The following CDCA2 variants were observed in gnomAD, a reference collection of about 807,000 sequenced individuals.
CDCA2 encodes cell division cycle-associated protein 2.
Under a neutral mutation model 67.0 loss-of-function variants are expected in CDCA2, and 44 were observed. That is an observed-to-expected ratio of 0.66 (90% CI 0.52 to 0.84). CDCA2 has a LOEUF of 0.84. Among genes scored for constraint, CDCA2 ranks in the 40% least tolerant of loss-of-function variants. The probability of loss-of-function intolerance (pLI) is 0.00; values close to 1 mark genes in which losing one functional copy is unlikely to be tolerated. For missense variants in CDCA2, 1,253 were observed against 1,203.2 expected, an observed-to-expected ratio of 1.04 and a Z score of -0.61; for synonymous variants, 447 against 418.7, an observed-to-expected ratio of 1.07 and a Z score of -0.82.
intron 4 of CDCA2, 100 bp downstream of exon 4, chr8:25,462,308 G>A: frequency 1.5e-6 from 2 of 1,318,958 alleles, no homozygotes; most frequent in Non-Finnish European, 2.1e-6. Context: ...AATCTGGAGG[G>A]AGATTTTCTC....
rs142696268 is a variant in CDCA2, at chr8:25,488,623, G to T, written c.1605G>T (p.Lys535Asn). The T allele has an allele frequency of 1.2e-6, 2 of 1,612,994 alleles. No homozygotes were observed. The highest frequency in any genetic ancestry group is 4.5e-5 in the East Asian group (2 of 44,768). ...LNTEVQPCKE[K>N]KINRRKSQET... ...CAGAAGTTCAGCCTTGTAAAGAAAA[G>T]AAAATTAATAGGAGGAAGTCTCAAG... Residue 535 changes from lysine (K) to asparagine (N), a missense_variant, in exon 13 of 15, where the codon AAG becomes AAT. Lys to Asn is a moderately conservative substitution (Grantham distance 94). Coordinates refer to ENST00000330560, the MANE Select transcript of CDCA2 (RefSeq NM_152562.4).
intron 5 of CDCA2, among the ~76,000 whole-genome samples, chr8:25,467,536 T>A (rs1404927952): frequency 6.6e-6 from 1 of 152,216 alleles, no homozygotes; most frequent in Non-Finnish European, 1.5e-5. Context: ...GTTGTCTTTT[T>A]CATAAAGTCA....
chr8:25,505,814 T>A (rs1055507452), intron 14 of CDCA2, among the ~76,000 whole-genome samples: 1 of 152,204 alleles, frequency 6.6e-6, no homozygotes, highest in East Asian at 1.9e-4. Context: ...CCTGAACTCA[T>A]GTGGGCTGTG....
At chr8:25,505,883 C>G (rs183853106) in intron 14 of CDCA2, among the ~76,000 whole-genome samples, 133 of 152,230 alleles carry the variant, frequency 8.7e-4, no homozygotes, top group Non-Finnish European at 1.5e-3. Flanking sequence ...TACATGAAAG[C>G]CTACCCACAC....
chr8:25,489,793 T>C (rs182649050), intron 13 of CDCA2, among the ~76,000 whole-genome samples: 31 of 152,396 alleles, frequency 2.0e-4, no homozygotes, highest in African/African-American at 7.2e-4. Context: ...CCTTGTAAAT[T>C]GTTTATCTTC....
chr8:25,497,512 A>AAAAAAAAAAAT (rs1804278736), intron 13 of CDCA2, among the ~76,000 whole-genome samples: 1 of 144,840 alleles, frequency 6.9e-6, no homozygotes, highest in African/African-American at 2.6e-5. Flanking sequence ...AAAATAAAAA[A>AAAAAAAAAAAT]AAAAAAAACT....
chr8:25,473,529 G>C (rs887174793), intron 7 of CDCA2, among the ~76,000 whole-genome samples: 1 of 152,158 alleles, frequency 6.6e-6, no homozygotes, highest in African/African-American at 2.4e-5. Context: ...CCTTCCAGGA[G>C]AGGGGCTGCA....
chr8:25,472,583 C>A (rs1471470331), intron 7 of CDCA2, among the ~76,000 whole-genome samples: 1 of 152,136 alleles, frequency 6.6e-6, no homozygotes, highest in South Asian at 2.1e-4. Flanking sequence ...ACTTTCACAC[C>A]TTATTTTTCT....
intron 1 of CDCA2, 63 bp from the exon 2 acceptor site, chr8:25,460,174 TACG>T: frequency 6.8e-7 from 1 of 1,471,038 alleles, no homozygotes. Flanking sequence ...CTGAATAAGG[TACG>T]TGATCGAATC....
rs761795108 is a variant in CDCA2 at position 25,485,729 on chromosome 8, T to TA, written c.1366-29dup. 6 of 1,356,842 alleles carry TA rather than the reference T, an allele frequency of 4.4e-6. No individual in the cohort carries two copies. In the South Asian group the frequency reaches 6.4e-5, roughly 14 times the overall value. 84.1% of individuals were successfully genotyped at this position (1,356,842 alleles called of 1,614,324 possible). A position where few individuals can be genotyped will look rare whatever the true frequency, so the allele number is the denominator to read the frequency against. On this transcript the variant is annotated intron_variant, in intron 10 of 14. Transcript: ENST00000330560. ...ATTATGTATTCACTGCATTTAAAGA[T>TA]ATCTAACTTCTGTCTTTTCCTTTGT...
Position 25,465,839 on chromosome 8 carries a change from C to T in CDCA2, c.388-336C>T, listed in dbSNP as rs185278061. Reference sequence around the variant, plus strand: ...GACACAAGCACCATGCAGATGGCTTCCTATGGATACATCCAGCACAACATT... The same window carrying T: ...GACACAAGCACCATGCAGATGGCTTTCTATGGATACATCCAGCACAACATT... On this transcript the variant is annotated intron_variant, in intron 4 of 14. Transcript: ENST00000330560. Among the ~76,000 whole-genome samples the T allele has an allele frequency of 3.8e-3, 578 of 152,236 alleles. 4 individuals carry two copies. Among genetic ancestry groups the T allele is most frequent in the Non-Finnish European group, 6.3e-3 (429 of 68,014 alleles).
Position 25,484,205 on chromosome 8 carries a change from A to G in CDCA2, c.1360A>G (p.Asn454Asp). Residue 454 changes from asparagine to aspartate, a missense_variant, in exon 10 of 15, where the codon AAT becomes GAT. Physicochemically the swap from Asn to Asp is conservative, Grantham distance 23. Transcript: ENST00000330560. ...ACCAGATTTTGATGACAAGGGGGAG[A>G]ATCTTGTAAGTATGAAAAGCGTGGA... ...PQPDFDDKGE[N>D]LENIEPLQVS... 1 of 1,613,808 alleles carries G rather than the reference A, an allele frequency of 6.2e-7. No homozygotes were observed. The highest frequency in any genetic ancestry group is 8.5e-7 in the Non-Finnish European group (1 of 1,179,706).
intron 14 of CDCA2, among the ~76,000 whole-genome samples, chr8:25,504,601 C>T (rs1011979157): frequency 6.6e-6 from 1 of 152,158 alleles, no homozygotes; most frequent in African/African-American, 2.4e-5. Flanking sequence ...CCATTGACTC[C>T]TGGCTTCTGC....
At chr8:25,503,672 T>C (rs1289794845) in intron 14 of CDCA2, 128 bp downstream of exon 14, 1 of 835,936 alleles carries the variant, frequency 1.2e-6, no homozygotes, top group Non-Finnish European at 1.9e-6. Flanking sequence ...AAGCAATGTT[T>C]CCTCACATTA....
At chr8:25,465,487 A>G (rs1288590757) in intron 4 of CDCA2, among the ~76,000 whole-genome samples, 4 of 152,116 alleles carry the variant, frequency 2.6e-5, no homozygotes, top group African/African-American at 7.3e-5. Context: ...TGGCACTTCT[A>G]TCCCTGCTAA....
intron 4 of CDCA2, among the ~76,000 whole-genome samples, chr8:25,463,354 TAATG>T (rs2117476880): frequency 6.6e-6 from 1 of 152,320 alleles, no homozygotes; most frequent in South Asian, 2.1e-4. Context: ...GGTCTCATAA[TAATG>T]GAGCCGAAAA....
intron 3 of CDCA2, among the ~76,000 whole-genome samples, chr8:25,461,843 A>G (rs575295859): frequency 6.6e-6 from 1 of 152,354 alleles, no homozygotes; most frequent in East Asian, 1.9e-4. Context: ...TGTACCAGGC[A>G]CTGTTCTAGG....
intron 7 of CDCA2, among the ~76,000 whole-genome samples, chr8:25,478,114 A>G (rs1461627237): frequency 6.6e-6 from 1 of 151,244 alleles, no homozygotes; most frequent in Non-Finnish European, 1.5e-5. Context: ...TGGTAGGTAC[A>G]GGATCCTACT....
chr8:25,491,430 G>T (rs1251126434), intron 13 of CDCA2, among the ~76,000 whole-genome samples: 1 of 152,106 alleles, frequency 6.6e-6, no homozygotes, highest in Non-Finnish European at 1.5e-5. Context: ...GGATAATGAG[G>T]AAAGTGGGCT....
Sources: allele counts gnomAD v4.1 joint callset (sites outside exome capture counted in the v4.1 genomes callset), GRCh38; gene constraint gnomAD v4.1.1; transcripts MANE v1.5; gene names NCBI Gene and HGNC (gene_info 2026-07-23, HGNC 2026-07-21).